The following SEC24A variants were observed in gnomAD, a reference collection of about 807,000 sequenced individuals.
SEC24A encodes the protein protein transport protein Sec24A.
Under a neutral mutation model 129.4 loss-of-function variants are expected in SEC24A, and 93 were observed. The ratio of observed to expected loss-of-function variants is 0.72; its 90% CI spans 0.61 to 0.85. The LOEUF (loss-of-function observed/expected upper bound fraction) is 0.85. Ranked by LOEUF, SEC24A falls within the 40% of genes least tolerant of loss-of-function variation. The pLI, the probability that SEC24A is intolerant of heterozygous loss-of-function variation, is 0.00. For missense variants in SEC24A, 1,264 were observed against 1,307.4 expected (o/e 0.97, Z 0.51); for synonymous variants, 460 against 467.3 (o/e 0.98, Z 0.20).
chr5:134,674,615 C>A lies in SEC24A; in HGVS notation c.818C>A (p.Ala273Glu). ...AACTTAAAAGTTACCTTGTTTCTAG[C>A]AACACCACAGCTTACTAACAAGAAT... ...YDEIEGGGLL[A>E]TPQLTNKNPK... The change falls in exon 5 of 23, where the codon GCA becomes GAA. Residue 273 changes from alanine (A) to glutamate (E), a missense_variant and splice_region_variant. Physicochemically the swap from Ala to Glu is moderately radical, Grantham distance 107 (BLOSUM62 -1). Transcript: ENST00000398844. 6.2e-7 allele frequency: 1 copy of A among 1,610,670 alleles called. No individual in the cohort carries two copies. The highest frequency in any genetic ancestry group is 1.7e-5 in the Admixed American group (1 of 59,342).
At chr5:134,719,652 C>T (rs140523718) in intron 20 of SEC24A, among the ~76,000 whole-genome samples, 3,093 of 152,098 alleles carry the variant, frequency 0.02, 112 homozygotes, top group African/African-American at 0.072. Context: ...CATACCACTG[C>T]ACTCCAGCCT....
At chr5:134,690,945 G>A (rs1431239681) in intron 11 of SEC24A, among the ~76,000 whole-genome samples, 2 of 151,740 alleles carry the variant, frequency 1.3e-5, no homozygotes, top group African/African-American at 4.8e-5. Flanking sequence ...CTGCCTCCCA[G>A]GTTCAAGCGA....
At chr5:134,704,531 G>A (rs1422133888) in intron 16 of SEC24A, among the ~76,000 whole-genome samples, 1 of 152,150 alleles carries the variant, frequency 6.6e-6, no homozygotes, top group African/African-American at 2.4e-5. Flanking sequence ...GTAGGGTCAG[G>A]TGTGGTGGTC....
chr5:134,653,912 C>T (rs1332977750), intron 1 of SEC24A, among the ~76,000 whole-genome samples: 1 of 151,968 alleles, frequency 6.6e-6, no homozygotes, highest in Non-Finnish European at 1.5e-5. Flanking sequence ...AATCCCAGCA[C>T]TTTGGGAGGC....
rs1407574712 is a variant in SEC24A at position 134,708,537 on chromosome 5, G to A, written c.2552-176G>A. ...ATAGCAGAGCAGCATTTCAACAGAG[G>A]TTGGCTCAGTTCTCCAGACCATGCT... is the stretch of plus-strand genomic sequence containing the variant. On this transcript the variant is annotated intron_variant, in intron 17 of 22. Coordinates refer to ENST00000398844, the MANE Select transcript of SEC24A (RefSeq NM_021982.3). 2.0e-5 allele frequency among the ~76,000 whole-genome samples: 3 copies of A among 152,280 alleles called. No individual in the cohort carries two copies. The East Asian group carries it at 5.8e-4, about 29-fold the overall frequency.
intron 20 of SEC24A, 137 bp downstream of exon 20, chr5:134,718,310 T>G (rs545855424): frequency 1.8e-6 from 1 of 555,434 alleles, no homozygotes; most frequent in East Asian, 2.8e-5. Context: ...GTACACTGAT[T>G]AATGATGTGT....
chr5:134,722,837 A>T (rs1284118025), intron 21 of SEC24A, among the ~76,000 whole-genome samples: 1 of 152,040 alleles, frequency 6.6e-6, no homozygotes, highest in African/African-American at 2.4e-5. Context: ...GTTCAAGAAG[A>T]TGATCAGGTG....
rs747129104 is a variant in SEC24A at position 134,679,708 on chromosome 5, T to TCC, written c.1361_1362insCC (p.Leu454PhefsTer18). On this transcript the variant is annotated frameshift_variant, in exon 8 of 23. Transcript: ENST00000398844. LOFTEE classifies it high-confidence loss of function. ...GATCAAAGGAGATGGAAGTGTAACTTATGTTATCGAGTCAATGATGGTATG... is the reference window on the plus strand; with the variant it reads ...GATCAAAGGAGATGGAAGTGTAACTTCCATGTTATCGAGTCAATGATGGTATG... 1 of 1,595,766 alleles carries TCC rather than the reference T, an allele frequency of 6.3e-7. No homozygotes were observed.
chr5:134,702,051 C>G (rs1462440376), intron 15 of SEC24A, among the ~76,000 whole-genome samples: 3 of 152,126 alleles, frequency 2.0e-5, no homozygotes, highest in Admixed American at 6.6e-5. Flanking sequence ...TATATTTTGG[C>G]CTTAACTTCA....
chr5:134,675,287 T>C, intron 6 of SEC24A, 70 bp downstream of exon 6: 1 of 1,143,570 alleles, frequency 8.7e-7, no homozygotes, highest in South Asian at 1.5e-5. Context: ...GCACATCAGG[T>C]GTTATGAATA....
At chr5:134,716,809 A>G (rs1256029838) in intron 19 of SEC24A, among the ~76,000 whole-genome samples, 2 of 151,744 alleles carry the variant, frequency 1.3e-5, no homozygotes, top group African/African-American at 4.8e-5. Flanking sequence ...TCAAAAAAAA[A>G]AAAAAAAAGA....
At chr5:134,722,108 G>C (rs532536654) in intron 21 of SEC24A, among the ~76,000 whole-genome samples, 1 of 152,300 alleles carries the variant, frequency 6.6e-6, no homozygotes, top group South Asian at 2.1e-4. Flanking sequence ...TGCCCAAGGG[G>C]TACCTGCTAC....
intron 4 of SEC24A, among the ~76,000 whole-genome samples, chr5:134,674,294 T>G (rs1198713953): frequency 6.6e-6 from 1 of 152,150 alleles, no homozygotes; most frequent in Middle Eastern, 3.2e-3. Flanking sequence ...ATGTGTTGAT[T>G]TAAAGCATTC....
Position 134,675,236 on chromosome 5 carries a change from C to G in SEC24A, c.1151+19C>G. 6.3e-7 allele frequency: 1 copy of G among 1,584,742 alleles called. No individual in the cohort carries two copies. The highest frequency in any genetic ancestry group is 8.6e-7 in the Non-Finnish European group (1 of 1,160,004). On this transcript the variant is annotated intron_variant, in intron 6 of 22. Transcript: ENST00000398844. The stretch of plus-strand genomic sequence containing the variant: ...ACCCAGAGTAAGGCTTCAGATGTGA[C>G]ATTATGCATGTCCGAAAAGTTTTCT...
rs186355793 is a variant in SEC24A at position 134,711,754 on chromosome 5, C to T, written c.2727+2866C>T. Among the ~76,000 whole-genome samples the T allele has an allele frequency of 7.1e-3, 1,022 of 144,422 alleles. 11 individuals carry two copies. Among genetic ancestry groups the T allele is most frequent in the African/African-American group, 0.025 (966 of 38,970 alleles). The allele number at this position is 144,422 out of a possible 152,430, so 94.7% of individuals were successfully genotyped here. A position where few individuals can be genotyped will look rare whatever the true frequency, so the allele number is the denominator to read the frequency against. On this transcript the variant is annotated intron_variant, in intron 18 of 22. Transcript: ENST00000398844. ...CCATGTTGGCCAGGCTGGTTTTGAACTCTTTTTTTTTGAGATGGAGTCTCG... is the reference window on the plus strand; with the variant it reads ...CCATGTTGGCCAGGCTGGTTTTGAATTCTTTTTTTTTGAGATGGAGTCTCG...
At chr5:134,683,509 T>G (rs1174639322) in intron 9 of SEC24A, among the ~76,000 whole-genome samples, 1 of 152,194 alleles carries the variant, frequency 6.6e-6, no homozygotes, top group Non-Finnish European at 1.5e-5. Flanking sequence ...CTAATTTTTT[T>G]GTTTAACGTT....
At chr5:134,673,276 G>T (rs1370109311) in intron 4 of SEC24A, among the ~76,000 whole-genome samples, 2 of 151,188 alleles carry the variant, frequency 1.3e-5, no homozygotes, top group East Asian at 3.9e-4. Flanking sequence ...GGATAGTCTC[G>T]ATCTCCTGAC....
rs201143907 is a variant in SEC24A, at chr5:134,705,085, TATATA to T, written c.2441-241_2441-237del. Among the ~76,000 whole-genome samples, 518 of 129,876 alleles carry T rather than the reference TATATA, an allele frequency of 4.0e-3. 2 individuals carry two copies. Among genetic ancestry groups the T allele is most frequent in the African/African-American group, 0.014 (486 of 33,876 alleles). 85.2% of individuals were successfully genotyped at this position (129,876 alleles called of 152,430 possible). ...ATATTTATATTTATATATATATATA[TATATA>T]TTTTTTTTTTTTTAATTAATTTATT... On this transcript the variant is annotated intron_variant, in intron 16 of 22. Transcript: ENST00000398844.
At position 134,674,732 on chromosome 5, in the gene SEC24A, C is replaced by T; in HGVS notation, c.935C>T (p.Pro312Leu). ...CCACCTGGTGCAACTGGAGTACCAC[C>T]CTCTTCCTTGAATTACCCAAGTGGG... is the stretch of plus-strand genomic sequence containing the variant. The part of the protein sequence containing the change: ...TTPPGATGVP[P>L]SSLNYPSGPQ... The change falls in exon 5 of 23, where the codon CCC becomes CTC. Residue 312 changes from proline to leucine, a missense_variant. Pro to Leu is a moderately conservative substitution (Grantham distance 98, BLOSUM62 -3). Transcript: ENST00000398844. 3 of 1,613,930 alleles carry T rather than the reference C, an allele frequency of 1.9e-6. No homozygotes were observed. Among genetic ancestry groups the T allele is most frequent in the African/African-American group, 1.3e-5 (1 of 75,022 alleles).
Sources: allele counts gnomAD v4.1 joint callset (sites outside exome capture counted in the v4.1 genomes callset), GRCh38; gene constraint gnomAD v4.1.1; transcripts MANE v1.5; gene names NCBI Gene and HGNC (gene_info 2026-07-23, HGNC 2026-07-21).